SGMS1: variants seen among roughly 807,000 people sequenced by gnomAD.
SGMS1 encodes the protein phosphatidylcholine:ceramide cholinephosphotransferase 1.
SGMS1 carries 13 observed loss-of-function variants against 46.2 expected under a neutral mutation model. The ratio of observed to expected loss-of-function variants is 0.28; its 90% CI spans 0.18 to 0.45. The LOEUF is 0.45. Ranked by LOEUF, SGMS1 falls within the 20% of genes least tolerant of loss-of-function variation. The pLI is 1.00. For synonymous variants in SGMS1, 203 were observed against 187.8 expected, an observed-to-expected ratio of 1.08 and a Z score of -0.66; for missense variants, 324 against 519.9, an observed-to-expected ratio of 0.62 and a Z score of 3.66.
upstream of SGMS1, among the ~76,000 whole-genome samples, chr10:50,624,428 G>A (rs572573366): frequency 9.2e-5 from 14 of 152,272 alleles, no homozygotes; most frequent in South Asian, 2.1e-3. Context: ...CTAGGAAACG[G>A]CCGACCTGAC....
intron 2 of SGMS1, among the ~76,000 whole-genome samples, chr10:50,527,991 T>C (rs1837919463): frequency 6.6e-6 from 1 of 152,206 alleles, no homozygotes; most frequent in African/African-American, 2.4e-5. Flanking sequence ...AAGAGTTTAG[T>C]TGTAGGACAT....
In SGMS1 at chr10:50,307,464, T is replaced by A; in HGVS notation, c.1063-143A>T. On this transcript the variant is annotated intron_variant, in intron 10 of 10. Transcript: ENST00000361781. The surrounding 1 kb of genome is among the most constrained non-coding windows in gnomAD (Gnocchi z 4.2). ...TCCCAGCTTCTCTCTCTCATCACCA[T>A]TCTACACTCCACATTCATCTACAAA... 1 of 656,576 alleles carries A rather than the reference T, an allele frequency of 1.5e-6. No individual in the cohort carries two copies. Among genetic ancestry groups the A allele is most frequent in the Admixed American group, 3.0e-5 (1 of 33,882 alleles). 40.7% of individuals were successfully genotyped at this position (656,576 alleles called of 1,614,324 possible). A position where few individuals can be genotyped will look rare whatever the true frequency, so the allele number is the denominator to read the frequency against.
At chr10:50,501,955 G>T (rs1023789237) in intron 3 of SGMS1, among the ~76,000 whole-genome samples, 2 of 152,158 alleles carry the variant, frequency 1.3e-5, no homozygotes, top group African/African-American at 4.8e-5. Context: ...TTGTATGTTT[G>T]CTGGGGAAAG....
Position 50,307,383 on chromosome 10 carries a change from T to C in SGMS1, c.1063-62A>G. ...ATCTTTCACTTTAAGTTCAAATACTTGCCACGCTAAAATTCCCAAAGGACT... is the reference window on the plus strand; with the variant it reads ...ATCTTTCACTTTAAGTTCAAATACTCGCCACGCTAAAATTCCCAAAGGACT... On this transcript the variant is annotated intron_variant, in intron 10 of 10. Coordinates refer to ENST00000361781, the MANE Select transcript of SGMS1 (RefSeq NM_147156.4). This position sits in a 1 kb window ranked among gnomAD's most constrained non-coding sequence, Gnocchi z 4.2. The C allele has an allele frequency of 1.0e-5, 15 of 1,505,008 alleles. No homozygotes were observed. Among genetic ancestry groups the C allele is most frequent in the Non-Finnish European group, 1.3e-5 (14 of 1,104,074 alleles). 93.2% of individuals were successfully genotyped at this position (1,505,008 alleles called of 1,614,324 possible). A position where few individuals can be genotyped will look rare whatever the true frequency, so the allele number is the denominator to read the frequency against.
chr10:50,427,004 T>C (rs752732418), intron 6 of SGMS1, among the ~76,000 whole-genome samples: 65 of 152,134 alleles, frequency 4.3e-4, no homozygotes, highest in South Asian at 2.1e-4. Flanking sequence ...GAAACAAAAA[T>C]AATCAAATCA....
At chr10:50,320,201 T>A (rs1440889560) in intron 8 of SGMS1, among the ~76,000 whole-genome samples, 1 of 152,120 alleles carries the variant, frequency 6.6e-6, no homozygotes, top group African/African-American at 2.4e-5. Context: ...TGCCCTGGTC[T>A]AGGCCTTCCT....
intron 6 of SGMS1, among the ~76,000 whole-genome samples, chr10:50,427,352 T>C (rs1362666035): frequency 6.6e-6 from 1 of 152,186 alleles, no homozygotes; most frequent in Admixed American, 6.5e-5. Context: ...TGAGCCGAGA[T>C]GGCGCCACAG....
intron 3 of SGMS1, among the ~76,000 whole-genome samples, chr10:50,492,929 G>C (rs1294744965): frequency 6.6e-6 from 1 of 152,148 alleles, no homozygotes; most frequent in Non-Finnish European, 1.5e-5. Context: ...AGGAAAGAGA[G>C]CTCTTCTCTT....
chr10:50,369,650 C>T, intron 6 of SGMS1, among the ~76,000 whole-genome samples: 1 of 151,284 alleles, frequency 6.6e-6, no homozygotes, highest in Non-Finnish European at 1.5e-5. Flanking sequence ...AAAACAACAG[C>T]AAGATGCCAT....
At chr10:50,378,408 T>C (rs889161902) in intron 6 of SGMS1, among the ~76,000 whole-genome samples, 29 of 152,230 alleles carry the variant, frequency 1.9e-4, no homozygotes, top group African/African-American at 7.0e-4. Context: ...TTAACTTTGA[T>C]TGCATTCTAT....
intron 2 of SGMS1, among the ~76,000 whole-genome samples, chr10:50,569,726 T>A (rs1301127578): frequency 6.6e-6 from 1 of 152,142 alleles, no homozygotes; most frequent in Non-Finnish European, 1.5e-5. Context: ...CAAAGTTTTT[T>A]CTACCAGGGA....
At chr10:50,605,692 C>T (rs557120764) in intron 1 of SGMS1, among the ~76,000 whole-genome samples, 1 of 152,300 alleles carries the variant, frequency 6.6e-6, no homozygotes, top group South Asian at 2.1e-4. Flanking sequence ...CTTGACCACA[C>T]AGTGATAAGG....
At chr10:50,532,459 GTGTTT>G (rs1226597489) in intron 2 of SGMS1, among the ~76,000 whole-genome samples, 2 of 152,086 alleles carry the variant, frequency 1.3e-5, no homozygotes, top group Non-Finnish European at 2.9e-5. Context: ...AATATTAGAA[GTGTTT>G]TGGTCCTTAT....
intron 2 of SGMS1, among the ~76,000 whole-genome samples, chr10:50,537,991 C>A (rs1197550623): frequency 6.6e-6 from 1 of 152,128 alleles, no homozygotes; most frequent in African/African-American, 2.4e-5. Flanking sequence ...GAAGGCACTG[C>A]TACTCAGGAG....
rs149493199 is a variant in SGMS1, at chr10:50,380,279, G to A, written c.-231-35934C>T. Reference sequence around the variant, plus strand: ...GCCTGTAGCCCCAGCTACCTGGGAGGCTGAGGCAGGAGAATCGCTTGAGCC... The same window carrying A: ...GCCTGTAGCCCCAGCTACCTGGGAGACTGAGGCAGGAGAATCGCTTGAGCC... On this transcript the variant is annotated intron_variant, in intron 6 of 10. Transcript: ENST00000361781. Among the ~76,000 whole-genome samples, 760 of 151,870 alleles carry A rather than the reference G, an allele frequency of 5.0e-3. 4 individuals carry two copies. Among genetic ancestry groups the A allele is most frequent in the Non-Finnish European group, 8.8e-3 (596 of 67,980 alleles).
At chr10:50,431,839 G>T (rs1382580104) in intron 6 of SGMS1, among the ~76,000 whole-genome samples, 1 of 152,184 alleles carries the variant, frequency 6.6e-6, no homozygotes, top group Non-Finnish European at 1.5e-5. Flanking sequence ...TAGGCAGTGA[G>T]CAGAATGACT....
At chr10:50,319,679 C>T (rs1396043032) in intron 8 of SGMS1, among the ~76,000 whole-genome samples, 4 of 152,038 alleles carry the variant, frequency 2.6e-5, no homozygotes, top group African/African-American at 9.7e-5. Flanking sequence ...TGTTTAAATC[C>T]AGCTTAAACA....
At chr10:50,587,381 T>C (rs1838493830) in intron 2 of SGMS1, among the ~76,000 whole-genome samples, 1 of 152,240 alleles carries the variant, frequency 6.6e-6, no homozygotes, top group African/African-American at 2.4e-5. Context: ...ACGCCTATAA[T>C]TCCACCACTT....
Position 50,307,388 on chromosome 10 carries a change from C to T in SGMS1, c.1063-67G>A, listed in dbSNP as rs531812051. ...TCACTTTAAGTTCAAATACTTGCCA[C>T]GCTAAAATTCCCAAAGGACTCCATA... On this transcript the variant is annotated intron_variant, in intron 10 of 10. Transcript: ENST00000361781. The surrounding 1 kb of genome is among the most constrained non-coding windows in gnomAD (Gnocchi z 4.2). 1.1e-4 allele frequency: 161 copies of T among 1,472,764 alleles called. No homozygotes were observed. The highest frequency in any genetic ancestry group is 1.4e-4 in the Non-Finnish European group (146 of 1,079,420). 91.2% of individuals were successfully genotyped at this position (1,472,764 alleles called of 1,614,324 possible). A position where few individuals can be genotyped will look rare whatever the true frequency, so the allele number is the denominator to read the frequency against.
Sources: gnomAD v4.1 joint callset for allele counts (sites outside exome capture counted in the v4.1 genomes callset) on GRCh38, gnomAD v4.1.1 for gene constraint, Gnocchi (gnomAD v3.1) non-coding constraint, MANE v1.5 for transcripts, NCBI Gene and HGNC (gene_info 2026-07-23, HGNC 2026-07-21) for gene names.